The following PHC2 variants were observed in gnomAD, a reference collection of about 807,000 sequenced individuals.
PHC2 encodes polyhomeotic homolog 2.
Under a neutral mutation model 87.4 loss-of-function variants are expected in PHC2, and 29 were observed. The observed-to-expected ratio is 0.33, with a 90% CI of 0.25 to 0.45. PHC2 has a LOEUF of 0.45. Ranked by LOEUF, PHC2 falls within the 20% of genes least tolerant of loss-of-function variation. The pLI, the probability that PHC2 is intolerant of heterozygous loss-of-function variation, is 1.00. For missense variants in PHC2, 857 were observed against 1,136.7 expected (o/e 0.75, Z 3.54); for synonymous variants, 438 against 461.7 (o/e 0.95, Z 0.66).
rs114062679 is a variant in PHC2 at position 33,427,526 on chromosome 1, G to A, written c.-55+3450C>T. On this transcript the variant is annotated intron_variant, in intron 1 of 14. Transcript: ENST00000683057. ...CCGCATGCTGTCTCCACTTCTTATC[G>A]GCATCTCATGCCACAGTTCTCTCTC... 4.2e-3 allele frequency among the ~76,000 whole-genome samples: 640 copies of A among 151,828 alleles called. 9 individuals carry two copies. The highest frequency in any genetic ancestry group is 0.015 in the African/African-American group (611 of 41,376).
chr1:33,375,977 T>C (rs945631716), intron 1 of PHC2, among the ~76,000 whole-genome samples: 1 of 152,220 alleles, frequency 6.6e-6, no homozygotes, highest in Non-Finnish European at 1.5e-5. Flanking sequence ...GGATACCAGG[T>C]GACGACTATG....
chr1:33,375,473 C>T lies in PHC2; in HGVS notation c.67G>A (p.Ala23Thr), dbSNP rs1459289507. Residue 23 changes from alanine to threonine, a missense_variant, in exon 2 of 15, where the codon GCC (alanine) becomes ACC (threonine). Around this residue, in one of 3 missense-constraint regions of PHC2, gnomAD observed 832 missense variants for 1,081.8 expected, o/e 0.77. Transcript: ENST00000683057. ...SACATSSTSGASSSSGCNNSS... is the reference protein window; with the variant it reads ...SACATSSTSGTSSSSGCNNSS... ...TTGTTGCAGCCACTGCTGCTACTGGCCCCGCTGGTACTGCTGGTGGCACAG... is the reference window on the plus strand; with the variant it reads ...TTGTTGCAGCCACTGCTGCTACTGGTCCCGCTGGTACTGCTGGTGGCACAG... 9 of 1,612,260 alleles carry T rather than the reference C, an allele frequency of 5.6e-6. No individual in the cohort carries two copies. The highest frequency in any genetic ancestry group is 7.6e-6 in the Non-Finnish European group (9 of 1,179,194).
At chr1:33,389,880 A>G (rs1327726457) in intron 1 of PHC2, among the ~76,000 whole-genome samples, 3 of 152,148 alleles carry the variant, frequency 2.0e-5, no homozygotes, top group Non-Finnish European at 2.9e-5. Context: ...AAAATTATCT[A>G]AATGGATAGG....
intron 1 of PHC2, among the ~76,000 whole-genome samples, chr1:33,427,260 A>G (rs1418834875): frequency 6.6e-6 from 1 of 152,260 alleles, no homozygotes; most frequent in Non-Finnish European, 1.5e-5. Flanking sequence ...TGAGCACTCA[A>G]TAAACGACAG....
chr1:33,340,057 G>A (rs1646714340), intron 9 of PHC2, among the ~76,000 whole-genome samples: 1 of 152,198 alleles, frequency 6.6e-6, no homozygotes, highest in African/African-American at 2.4e-5. Flanking sequence ...AGGCAATGGA[G>A]ACCAAACGGA....
At chr1:33,392,196 T>C (rs1358319817) in intron 1 of PHC2, among the ~76,000 whole-genome samples, 3 of 151,698 alleles carry the variant, frequency 2.0e-5, no homozygotes, top group Non-Finnish European at 4.4e-5. Flanking sequence ...CACATGCACA[T>C]GCACATACAC....
intron 1 of PHC2, among the ~76,000 whole-genome samples, chr1:33,412,235 A>G (rs183958000): frequency 1.3e-5 from 2 of 152,374 alleles, no homozygotes; most frequent in African/African-American, 4.8e-5. Flanking sequence ...GATCGAGGTC[A>G]CAAGATACAT....
chr1:33,377,897 G>A (rs1648266364), intron 1 of PHC2, among the ~76,000 whole-genome samples: 2 of 152,082 alleles, frequency 1.3e-5, no homozygotes, highest in African/African-American at 2.4e-5. Context: ...AATGTTGGGA[G>A]TCTGGAAACC....
chr1:33,408,631 TTTTG>T (rs1372368553), intron 1 of PHC2, among the ~76,000 whole-genome samples: 3 of 152,034 alleles, frequency 2.0e-5, no homozygotes, highest in African/African-American at 7.2e-5. Flanking sequence ...CGGCTAATTT[TTTTG>T]TTTGTTTTTT....
In PHC2 at chr1:33,354,823, G is replaced by A; in HGVS notation, c.1392+15C>T. On this transcript the variant is annotated intron_variant, in intron 8 of 14. Transcript: ENST00000683057. ...ACCCCGTGTGCTCCCTGGACCTTGGGGCTGGCTTACTCACCACTGGTGAAG... is the reference window on the plus strand; with the variant it reads ...ACCCCGTGTGCTCCCTGGACCTTGGAGCTGGCTTACTCACCACTGGTGAAG... 1 of 1,608,886 alleles carries A rather than the reference G, an allele frequency of 6.2e-7. No individual in the cohort carries two copies. The highest frequency in any genetic ancestry group is 1.7e-4 in the Middle Eastern group (1 of 5,946).
At chr1:33,348,675 A>G (rs1646891872) in intron 9 of PHC2, among the ~76,000 whole-genome samples, 1 of 152,232 alleles carries the variant, frequency 6.6e-6, no homozygotes, top group African/African-American at 2.4e-5. Context: ...AGAGGGGATT[A>G]AAGATCAAAC....
chr1:33,348,085 A>G (rs375545207), intron 9 of PHC2, among the ~76,000 whole-genome samples: 3 of 152,262 alleles, frequency 2.0e-5, no homozygotes, highest in Admixed American at 6.5e-5. Context: ...ATCTAACTGA[A>G]TGAAACCAGA....
chr1:33,345,467 C>T (rs1646828448), intron 9 of PHC2: 6 of 776,492 alleles, frequency 7.7e-6, no homozygotes, highest in Non-Finnish European at 7.8e-6. Flanking sequence ...AAAGCATATC[C>T]TTTTTCACTA....
chr1:33,403,017 T>C lies in PHC2; in HGVS notation c.-54-27424A>G, dbSNP rs1231843277. Among the ~76,000 whole-genome samples, 4 of 151,858 alleles carry C rather than the reference T, an allele frequency of 2.6e-5. No individual in the cohort carries two copies. In the East Asian group the frequency reaches 7.7e-4, roughly 29 times the overall value. ...TTTTTATTTTTAGTAGACATGGGGT[T>C]TCACTGTGTTAGCCAGGATGGTCTT... On this transcript the variant is annotated intron_variant, in intron 1 of 14. Coordinates refer to ENST00000683057, the MANE Select transcript of PHC2 (RefSeq NM_001385109.1).
rs1646333593 is a variant in PHC2, at chr1:33,324,739, G to T, written c.*126C>A. On this transcript the variant is annotated 3_prime_UTR_variant, in exon 15 of 15. Coordinates refer to ENST00000683057, the MANE Select transcript of PHC2 (RefSeq NM_001385109.1). ...AGGAGGTGCCCAGACCTCCTCACCAGCTATGCCCCTAGGGAGAGCCCCTGC... is the reference window on the plus strand; with the variant it reads ...AGGAGGTGCCCAGACCTCCTCACCATCTATGCCCCTAGGGAGAGCCCCTGC... 1 of 1,014,920 alleles carries T rather than the reference G, an allele frequency of 9.9e-7. No individual in the cohort carries two copies. Among genetic ancestry groups the T allele is most frequent in the Non-Finnish European group, 1.4e-6 (1 of 720,062 alleles). 62.9% of individuals were successfully genotyped at this position (1,014,920 alleles called of 1,614,324 possible).
At chr1:33,379,363 TC>T (rs1648366786) in intron 1 of PHC2, among the ~76,000 whole-genome samples, 1 of 34,230 alleles carries the variant, frequency 2.9e-5, no homozygotes, top group East Asian at 1.3e-3. Flanking sequence ...GCCCCCCCCA[TC>T]CCCCCTGTCC....
At chr1:33,418,034 A>G (rs550886558) in intron 1 of PHC2, among the ~76,000 whole-genome samples, 20 of 152,260 alleles carry the variant, frequency 1.3e-4, no homozygotes, top group African/African-American at 4.6e-4. Flanking sequence ...AACCTAGTGA[A>G]AACAAAAACA....
intron 1 of PHC2, among the ~76,000 whole-genome samples, chr1:33,385,234 A>G (rs1648680172): frequency 6.6e-6 from 1 of 152,248 alleles, no homozygotes; most frequent in Non-Finnish European, 1.5e-5. Context: ...GCTAGGCAGC[A>G]GCATTATGTG....
Position 33,430,386 on chromosome 1 carries a change from C to T in PHC2, c.-55+590G>A, listed in dbSNP as rs954421372. On this transcript the variant is annotated intron_variant, in intron 1 of 14. Transcript: ENST00000683057. ...CAGTTCCAGCAACCCCCGGTTCCCT[C>T]TGCTGGTGCCCCCCACGCCACGCTT... Among the ~76,000 whole-genome samples the T allele has an allele frequency of 6.6e-5, 10 of 152,352 alleles. 1 individual carries two copies. Among genetic ancestry groups the T allele is most frequent in the African/African-American group, 2.2e-4 (9 of 41,588 alleles).
Sources: allele counts gnomAD v4.1 joint callset (sites outside exome capture counted in the v4.1 genomes callset), GRCh38; gene constraint gnomAD v4.1.1; regional missense constraint gnomAD v4.1.1; transcripts MANE v1.5; gene names NCBI Gene and HGNC (gene_info 2026-07-23, HGNC 2026-07-21).